The following CFAP43 variants were observed in gnomAD, a reference collection of about 807,000 sequenced individuals.
The protein encoded by CFAP43 is cilia- and flagella-associated protein 43.
CFAP43 carries 155 observed loss-of-function variants against 218.9 expected under a neutral mutation model. That is an observed-to-expected ratio of 0.71 (90% CI 0.62 to 0.81). The LOEUF is 0.81. CFAP43 is among the 30% of genes least tolerant of loss of function. The probability of loss-of-function intolerance (pLI) is 0.00; values close to 1 mark genes in which losing one functional copy is unlikely to be tolerated. For synonymous variants in CFAP43, 645 were observed against 681.3 expected, an observed-to-expected ratio of 0.95 and a Z score of 0.83; for missense variants, 1,778 against 1,954.3, an observed-to-expected ratio of 0.91 and a Z score of 1.70.
chr10:104,138,473 CG>C (rs199682729), intron 34 of CFAP43, among the ~76,000 whole-genome samples: 2,743 of 152,062 alleles, frequency 0.018, 92 homozygotes, highest in African/African-American at 0.064. Flanking sequence ...GTTGGTAGTT[CG>C]AGACCAGCCT....
Position 104,148,140 on chromosome 10 carries a change from A to T in CFAP43, c.3661-142T>A, listed in dbSNP as rs2088067204. 1.4e-5 allele frequency: 6 copies of T among 440,434 alleles called. No individual in the cohort carries two copies. The South Asian group carries it at 4.4e-4, about 32-fold the overall frequency. 27.3% of individuals were successfully genotyped at this position (440,434 alleles called of 1,614,324 possible). On this transcript the variant is annotated intron_variant, in intron 28 of 37. Coordinates refer to ENST00000357060, the MANE Select transcript of CFAP43 (RefSeq NM_025145.7). ...AGAGAAACATTTTAAAGAAAAAGGG[A>T]ATACAGCTTATTGAAATAACTTCAG...
intron 16 of CFAP43, among the ~76,000 whole-genome samples, chr10:104,184,193 C>A (rs573029876): frequency 2.0e-5 from 3 of 152,124 alleles, no homozygotes; most frequent in Admixed American, 1.3e-4. Flanking sequence ...TTCCTCCTAA[C>A]CATGGGAGGA....
At chr10:104,198,594 T>C (rs1398095114) in intron 8 of CFAP43, among the ~76,000 whole-genome samples, 2 of 152,104 alleles carry the variant, frequency 1.3e-5, no homozygotes, top group Non-Finnish European at 1.5e-5. Flanking sequence ...TAAATAACCA[T>C]AAGACTTTCT....
At chr10:104,199,072 T>C (rs1051039682) in intron 8 of CFAP43, among the ~76,000 whole-genome samples, 4 of 152,240 alleles carry the variant, frequency 2.6e-5, no homozygotes, top group Admixed American at 1.3e-4. Flanking sequence ...TGTTAAGATG[T>C]ACTAAATCCT....
At chr10:104,203,370 A>C in intron 8 of CFAP43, 1 of 359,496 alleles carries the variant, frequency 2.8e-6, no homozygotes, top group Non-Finnish European at 5.0e-6. Flanking sequence ...GAGAGTCTGC[A>C]TGGAAATGGA....
chr10:104,225,081 ATTACT>A (rs1232410381), intron 3 of CFAP43, among the ~76,000 whole-genome samples: 2 of 152,200 alleles, frequency 1.3e-5, no homozygotes, highest in East Asian at 3.8e-4. Context: ...TCTAACAACA[ATTACT>A]TTAAACTGAA....
rs775579040 is a variant in CFAP43, at chr10:104,162,410, G to C, written c.3247-7C>G. On this transcript the variant is annotated splice_polypyrimidine_tract_variant and splice_region_variant and intron_variant, in intron 24 of 37. Coordinates refer to ENST00000357060, the MANE Select transcript of CFAP43 (RefSeq NM_025145.7). ...TGTGTTTGTGGGCTGTAATCTGAAAGAGAAAATGTCATTTCCTGCTATTAT... is the reference window on the plus strand; with the variant it reads ...TGTGTTTGTGGGCTGTAATCTGAAACAGAAAATGTCATTTCCTGCTATTAT... 1 of 1,609,838 alleles carries C rather than the reference G, an allele frequency of 6.2e-7. No homozygotes were observed. Among genetic ancestry groups the C allele is most frequent in the Non-Finnish European group, 8.5e-7 (1 of 1,176,058 alleles).
At chr10:104,185,875 T>C in intron 15 of CFAP43, 99 bp downstream of exon 15, 1 of 1,000,978 alleles carries the variant, frequency 1.0e-6, no homozygotes, top group Admixed American at 3.0e-5. Context: ...TTCAGAGTTT[T>C]TATGCATATA....
rs773352972 is a variant in CFAP43 at position 104,162,294 on chromosome 10, C to T, written c.3333+23G>A. ...CCTAAAGCAAAGAGGGTCTTAGGAC[C>T]TGTGTTAAGCAAAGCTACATGCCTG... On this transcript the variant is annotated intron_variant, in intron 25 of 37. Transcript: ENST00000357060. 3.2e-6 allele frequency: 5 copies of T among 1,584,946 alleles called. No homozygotes were observed. The South Asian group carries it at 5.5e-5, about 17-fold the overall frequency.
At chr10:104,198,856 G>A (rs1325148535) in intron 8 of CFAP43, among the ~76,000 whole-genome samples, 1 of 151,726 alleles carries the variant, frequency 6.6e-6, no homozygotes, top group African/African-American at 2.4e-5. Flanking sequence ...TCACCATGTT[G>A]GCCAGGCCGG....
Position 104,167,668 on chromosome 10 carries a change from A to G in CFAP43, c.2761T>C (p.Leu921=), listed in dbSNP as rs780889869. Residue 921 remains leucine, a synonymous_variant, in exon 22 of 38, where the codon TTG becomes CTG. Transcript: ENST00000357060. ...TTCTTTTGCTGTAAAACTCTTTCCA[A>G]TTCTTTCAGCTCTTCAACCGTGCGC... ...KARTVEELKE[L]ERVLQQKKIE... 1.1e-5 allele frequency: 17 copies of G among 1,612,420 alleles called. No homozygotes were observed. In the African/African-American group the frequency reaches 1.9e-4, roughly 18 times the overall value.
chr10:104,161,232 G>GTT (rs36092125), intron 26 of CFAP43, 70 bp from the exon 27 acceptor site: 92 of 1,497,298 alleles, frequency 6.1e-5, no homozygotes, highest in African/African-American at 1.3e-4. Context: ...AAAGCTCAGA[G>GTT]TTTTTTTTAA....
chr10:104,178,518 G>A (rs2089711352), intron 19 of CFAP43, among the ~76,000 whole-genome samples: 1 of 152,120 alleles, frequency 6.6e-6, no homozygotes, highest in Non-Finnish European at 1.5e-5. Flanking sequence ...AGTGGGGATG[G>A]GGAGCAGTAA....
chr10:104,207,572 T>A, intron 6 of CFAP43, 93 bp downstream of exon 6: 1 of 1,237,242 alleles, frequency 8.1e-7, no homozygotes, highest in Non-Finnish European at 1.1e-6. Flanking sequence ...GAAGGAGGAT[T>A]CAAAGATGTC....
intron 24 of CFAP43, among the ~76,000 whole-genome samples, chr10:104,163,498 T>G (rs940036969): frequency 2.0e-5 from 3 of 152,242 alleles, no homozygotes; most frequent in Non-Finnish European, 4.4e-5. Context: ...CAGATTTTAA[T>G]TGTTTTCTTT....
chr10:104,160,387 C>T (rs994181954), intron 27 of CFAP43, among the ~76,000 whole-genome samples: 1 of 152,162 alleles, frequency 6.6e-6, no homozygotes, highest in African/African-American at 2.4e-5. Flanking sequence ...GAGATACAGC[C>T]ACTAGCAAGC....
chr10:104,205,212 C>CA (rs71022723), intron 7 of CFAP43, among the ~76,000 whole-genome samples: 15,518 of 55,852 alleles, frequency 0.28, 2,204 homozygotes, highest in African/African-American at 0.37. Flanking sequence ...GACTCCGTCT[C>CA]AAAAAAAAAA....
rs373132767 is a variant in CFAP43, at chr10:104,185,135, A to T, written c.2022T>A (p.Ala674=). The T allele has an allele frequency of 6.2e-7, 1 of 1,613,736 alleles. No individual in the cohort carries two copies. Among genetic ancestry groups the T allele is most frequent in the Non-Finnish European group, 8.5e-7 (1 of 1,179,924 alleles). Residue 674 remains alanine (A), a synonymous_variant, in exon 16 of 38, where the codon GCT becomes GCA. Coordinates refer to ENST00000357060, the MANE Select transcript of CFAP43 (RefSeq NM_025145.7). ...CCTGGTGAGAATGACTCCGACACCA[A>T]GCAAATGTTTCCTCAATAGTTAAGA... The part of the protein sequence containing the change: ...IRDVYTLETF[A]WCRSHSHQGH...
rs570891097 is a variant in CFAP43 at position 104,188,439 on chromosome 10, A to C, written c.1547-29T>G. ...AAAGCAAACAGAGATCAACACCACA[A>C]GTGGTCATTGATAAGTTTAAATGAT... On this transcript the variant is annotated intron_variant, in intron 12 of 37. Transcript: ENST00000357060. 10 of 1,606,598 alleles carry C rather than the reference A, an allele frequency of 6.2e-6. No homozygotes were observed. The African/African-American group carries it at 9.3e-5, about 15-fold the overall frequency.
Sources: gnomAD v4.1 joint callset for allele counts (sites outside exome capture counted in the v4.1 genomes callset) on GRCh38, gnomAD v4.1.1 for gene constraint, MANE v1.5 for transcripts, NCBI Gene and HGNC (gene_info 2026-07-23, HGNC 2026-07-21) for gene names.